Variants in NIPBL observed in about 807,000 individuals in gnomAD.
NIPBL encodes the protein nipped-B-like protein.
NIPBL carries 19 observed loss-of-function variants against 321.8 expected under a neutral mutation model. The ratio of observed to expected loss-of-function variants is 0.06; its 90% CI spans 0.04 to 0.09. NIPBL has a LOEUF of 0.09. NIPBL is among the 10% of genes least tolerant of loss of function. NIPBL has a pLI of 1.00. For missense variants in NIPBL, 2,210 were observed against 3,327.0 expected (o/e 0.66, Z 8.26); for synonymous variants, 1,106 against 1,114.1 (o/e 0.99, Z 0.14).
At chr5:37,047,388 C>T (rs764910873) in intron 38 of NIPBL, among the ~76,000 whole-genome samples, 7 of 152,180 alleles carry the variant, frequency 4.6e-5, no homozygotes, top group Non-Finnish European at 8.8e-5. Context: ...CTTACCCATA[C>T]CTTATTAAAT....
intron 46 of NIPBL, chr5:37,064,215 C>T (rs15565): frequency 7.2e-7 from 1 of 1,392,528 alleles, no homozygotes; most frequent in Non-Finnish European, 9.3e-7. Context: ...GTTAATTTTT[C>T]TTTGAATTGT....
chr5:37,058,641 T>C (rs538997159), intron 43 of NIPBL, among the ~76,000 whole-genome samples: 1 of 152,290 alleles, frequency 6.6e-6, no homozygotes, highest in African/African-American at 2.4e-5. Flanking sequence ...GAAAATTGTT[T>C]CCCTTTGAAT....
chr5:36,989,235 A>G (rs1429364798), intron 10 of NIPBL, among the ~76,000 whole-genome samples: 3 of 152,248 alleles, frequency 2.0e-5, no homozygotes, highest in African/African-American at 7.2e-5. Flanking sequence ...TTAAGATCCA[A>G]AGAAAACCTG....
intron 6 of NIPBL, among the ~76,000 whole-genome samples, chr5:36,965,410 A>G (rs1264571902): frequency 6.6e-6 from 1 of 152,138 alleles, no homozygotes; most frequent in Non-Finnish European, 1.5e-5. Context: ...GTTAAGTGAA[A>G]TAAGCAAAAC....
At chr5:36,952,053 T>TGTGTGTGTGTGTGCGCGCGCGC (rs778597604) in intron 1 of NIPBL, among the ~76,000 whole-genome samples, 8 of 112,216 alleles carry the variant, frequency 7.1e-5, no homozygotes, top group African/African-American at 9.3e-5. Flanking sequence ...TGTGTGTGTG[T>TGTGTGTGTGTGTGCGCGCGCGC]GCGCGCGCGC....
At chr5:36,884,035 A>G (rs1475557485) in intron 1 of NIPBL, among the ~76,000 whole-genome samples, 1 of 152,114 alleles carries the variant, frequency 6.6e-6, no homozygotes, top group Non-Finnish European at 1.5e-5. Flanking sequence ...CCCCTTTAAG[A>G]AAAGAATTTG....
At chr5:36,917,198 T>G (rs1748531258) in intron 1 of NIPBL, among the ~76,000 whole-genome samples, 1 of 148,962 alleles carries the variant, frequency 6.7e-6, no homozygotes, top group Non-Finnish European at 1.5e-5. Context: ...GCCATTCTAA[T>G]TGGTATCTCA....
chr5:37,003,103 G>T (rs964225718), intron 15 of NIPBL, among the ~76,000 whole-genome samples, 158 bp from the exon 16 acceptor site: 1 of 151,580 alleles, frequency 6.6e-6, no homozygotes, highest in African/African-American at 2.4e-5. Flanking sequence ...ATTTAGGGTC[G>T]TTGAGTAGAA....
At chr5:37,028,959 T>A (rs910630593) in intron 32 of NIPBL, among the ~76,000 whole-genome samples, 1 of 152,190 alleles carries the variant, frequency 6.6e-6, no homozygotes, top group African/African-American at 2.4e-5. Flanking sequence ...AGTCCACTTT[T>A]TTTCTGGTGT....
Position 36,995,756 on chromosome 5 carries a change from G to A in NIPBL, c.3256G>A (p.Ala1086Thr), listed in dbSNP as rs1033090077. 1.2e-6 allele frequency: 2 copies of A among 1,613,760 alleles called. No individual in the cohort carries two copies. Among genetic ancestry groups the A allele is most frequent in the Non-Finnish European group, 1.7e-6 (2 of 1,179,812 alleles). ...CACAGTTAATGAAAAGCCAAAATAT[G>A]CTGAAATCAGTTCAGATGAAGATAA... is the stretch of plus-strand genomic sequence containing the variant. ...RSTVNEKPKY[A>T]EISSDEDNDS... Residue 1086 changes from alanine (A) to threonine (T), a missense_variant, in exon 11 of 47, where the codon GCT (alanine) becomes ACT (threonine). Coordinates refer to ENST00000282516, the MANE Select transcript of NIPBL (RefSeq NM_133433.4).
rs1360819170 is a variant in NIPBL, at chr5:37,038,606, T to A, written c.5976T>A (p.Ser1992=). ...TTTCTCTGTTTGTTTTTCCAGACTC[T>A]GACAATAAAGGTGTGAATTCTGGAA... ...ILKYEESLAD[S]DNKGVNSGRL... The change falls in exon 34 of 47, where the codon TCT becomes TCA. Residue 1992 remains serine, a synonymous_variant. Coordinates refer to ENST00000282516, the MANE Select transcript of NIPBL (RefSeq NM_133433.4). 1 of 1,613,622 alleles carries A rather than the reference T, an allele frequency of 6.2e-7. No homozygotes were observed. Among genetic ancestry groups the A allele is most frequent in the Non-Finnish European group, 8.5e-7 (1 of 1,179,754 alleles).
chr5:36,966,366 A>G (rs573828142), intron 6 of NIPBL, among the ~76,000 whole-genome samples: 7 of 152,102 alleles, frequency 4.6e-5, no homozygotes, highest in African/African-American at 1.4e-4. Context: ...TGTATTTCCT[A>G]TCAAGTAGAA....
Position 36,877,049 on chromosome 5 carries a change from C to T in NIPBL, c.-209C>T, listed in dbSNP as rs955755427. 6.5e-5 allele frequency: 23 copies of T among 354,856 alleles called. 1 individual carries two copies. Among genetic ancestry groups the T allele is most frequent in the Admixed American group, 1.9e-4 (4 of 21,186 alleles). 22.0% of individuals were successfully genotyped at this position (354,856 alleles called of 1,614,324 possible). On this transcript the variant is annotated 5_prime_UTR_variant, in exon 1 of 47. Coordinates refer to ENST00000282516, the MANE Select transcript of NIPBL (RefSeq NM_133433.4). ...TTTGTCTTCTCGGCTGGTCTCCCCCCGGCTCTACATGTTCCCCGCACTGAG... is the reference window on the plus strand; with the variant it reads ...TTTGTCTTCTCGGCTGGTCTCCCCCTGGCTCTACATGTTCCCCGCACTGAG...
intron 1 of NIPBL, among the ~76,000 whole-genome samples, chr5:36,913,087 C>A (rs776112533): frequency 3.3e-5 from 5 of 151,950 alleles, no homozygotes; most frequent in Non-Finnish European, 5.9e-5. Flanking sequence ...CCAAATGCAA[C>A]CTGATTTGAT....
intron 38 of NIPBL, among the ~76,000 whole-genome samples, chr5:37,046,900 T>C (rs1309056351): frequency 6.6e-6 from 1 of 152,212 alleles, no homozygotes; most frequent in Non-Finnish European, 1.5e-5. Context: ...TTGTTTTTTT[T>C]GGTACAAATA....
At position 36,957,268 on chromosome 5, in the gene NIPBL, C is replaced by T. The variant is rs552754474; in HGVS notation, c.231-836C>T. Among the ~76,000 whole-genome samples, 156 of 152,160 alleles carry T rather than the reference C, an allele frequency of 1.0e-3. 1 individual carries two copies. The highest frequency in any genetic ancestry group is 3.7e-3 in the South Asian group (18 of 4,818). On this transcript the variant is annotated intron_variant, in intron 3 of 46. Coordinates refer to ENST00000282516, the MANE Select transcript of NIPBL (RefSeq NM_133433.4). ...GTATTGAAATTTGCTGTTTGGTTTC[C>T]GCTTTTCCCGCACCATGACATTATT...
intron 6 of NIPBL, among the ~76,000 whole-genome samples, chr5:36,963,196 G>A (rs1200404848): frequency 1.3e-5 from 2 of 151,974 alleles, no homozygotes; most frequent in African/African-American, 4.8e-5. Flanking sequence ...TAAATTGTAT[G>A]TTTTAAAGAA....
intron 1 of NIPBL, among the ~76,000 whole-genome samples, chr5:36,951,453 C>G (rs1218581316): frequency 6.6e-6 from 1 of 152,094 alleles, no homozygotes; most frequent in Non-Finnish European, 1.5e-5. Context: ...ATATGAATAA[C>G]AAGATATTTT....
At chr5:36,952,062 GCGCGCGCGCGC>G (rs1740416340) in intron 1 of NIPBL, among the ~76,000 whole-genome samples, 1 of 132,184 alleles carries the variant, frequency 7.6e-6, no homozygotes, top group African/African-American at 2.6e-5. Flanking sequence ...GTGCGCGCGC[GCGCGCGCGCGC>G]ATGTGTGTGT....
Sources: allele counts gnomAD v4.1 joint callset (sites outside exome capture counted in the v4.1 genomes callset), GRCh38; gene constraint gnomAD v4.1.1; transcripts MANE v1.5; gene names NCBI Gene and HGNC (gene_info 2026-07-23, HGNC 2026-07-21).